Variants in MARCHF8 observed in about 807,000 individuals in gnomAD.
MARCHF8 encodes E3 ubiquitin-protein ligase MARCHF8.
A neutral mutation model predicts 51.6 loss-of-function variants in MARCHF8; 40 were observed. The ratio of observed to expected loss-of-function variants is 0.77; its 90% confidence interval spans 0.60 to 1.01. The LOEUF is 1.01. Ranked by LOEUF, MARCHF8 falls within the 50% of genes least tolerant of loss-of-function variation. The pLI, the probability that MARCHF8 is intolerant of heterozygous loss-of-function variation, is 0.00. For synonymous variants in MARCHF8, 263 were observed against 280.3 expected (o/e 0.94, Z 0.62); for missense variants, 685 against 708.6 (o/e 0.97, Z 0.38).
At chr10:45,546,901 G>A (rs564190817) in intron 1 of MARCHF8, among the ~76,000 whole-genome samples, 1 of 152,066 alleles carries the variant, frequency 6.6e-6, no homozygotes, top group South Asian at 2.1e-4. Context: ...AAAGACTGAA[G>A]TTTGTTAGTT....
chr10:45,552,705 A>T (rs1379895511), intron 1 of MARCHF8, among the ~76,000 whole-genome samples: 1 of 152,214 alleles, frequency 6.6e-6, no homozygotes, highest in African/African-American at 2.4e-5. Flanking sequence ...TGGTGCTATC[A>T]TTCGTCCCTA....
At chr10:45,559,091 G>T (rs2044282714) in intron 1 of MARCHF8, among the ~76,000 whole-genome samples, 1 of 152,178 alleles carries the variant, frequency 6.6e-6, no homozygotes, top group East Asian at 1.9e-4. Flanking sequence ...TTTTAGGAAA[G>T]GAATGAATAA....
chr10:45,495,477 T>C (rs17157861), intron 2 of MARCHF8, among the ~76,000 whole-genome samples: 5,338 of 152,194 alleles, frequency 0.035, 143 homozygotes, highest in East Asian at 0.052. Context: ...GACATAATCA[T>C]GATTTTAAGC....
chr10:45,572,986 A>C (rs2044448756), intron 1 of MARCHF8, among the ~76,000 whole-genome samples: 1 of 150,688 alleles, frequency 6.6e-6, no homozygotes, highest in East Asian at 1.9e-4. Context: ...GCCCTCCCCC[A>C]CCTGCCCAGC....
chr10:45,463,425 T>C lies in MARCHF8; in HGVS notation c.814A>G (p.Ser272Gly). 2 of 1,550,648 alleles carry C rather than the reference T, an allele frequency of 1.3e-6. No individual in the cohort carries two copies. Among genetic ancestry groups the C allele is most frequent in the Non-Finnish European group, 1.7e-6 (2 of 1,147,006 alleles). ...LFSLSHGLSA[S>G]SLHRFHELES... Reference sequence around the variant, plus strand: ...AGCTCATGGAACCTGTGCAGGCTGCTGGCGCTCAAGCCGTGCGAGAGTGAG... The same window carrying C: ...AGCTCATGGAACCTGTGCAGGCTGCCGGCGCTCAAGCCGTGCGAGAGTGAG... Residue 272 changes from serine to glycine, a missense_variant, in exon 5 of 8, where the codon AGC (serine) becomes GGC (glycine). Coordinates refer to ENST00000453424, the MANE Select transcript of MARCHF8 (RefSeq NM_001282866.2).
At position 45,543,753 on chromosome 10, in the gene MARCHF8, G is replaced by A. The variant is rs987889010; in HGVS notation, c.-78-10464C>T. Among the ~76,000 whole-genome samples, 60 of 140,136 alleles carry A rather than the reference G, an allele frequency of 4.3e-4. 1 individual carries two copies. The highest frequency in any genetic ancestry group is 3.1e-4 in the Admixed American group (4 of 13,008). 91.9% of individuals were successfully genotyped at this position (140,136 alleles called of 152,430 possible). A position where few individuals can be genotyped will look rare whatever the true frequency, so the allele number is the denominator to read the frequency against. ...GCGGAGCTTGCAGTGAGCCAAGATC[G>A]TGCCACTGCACTCCAGCCTGGGTGA... On this transcript the variant is annotated intron_variant, in intron 1 of 6. Coordinates refer to the MARCHF8 transcript ENST00000319836.
chr10:45,514,086 A>C (rs145714209), intron 2 of MARCHF8, among the ~76,000 whole-genome samples: 2,148 of 152,338 alleles, frequency 0.014, 23 homozygotes, highest in Non-Finnish European at 0.02. Flanking sequence ...AAAATGCTAT[A>C]ATCTATATGT....
At chr10:45,485,689 A>AT (rs1230182563) in intron 3 of MARCHF8, among the ~76,000 whole-genome samples, 1 of 152,148 alleles carries the variant, frequency 6.6e-6, no homozygotes, top group African/African-American at 2.4e-5. Context: ...TTAAAGGTTT[A>AT]TTTTTTACCT....
intron 1 of MARCHF8, among the ~76,000 whole-genome samples, chr10:45,590,642 A>G (rs943759038): frequency 6.6e-6 from 1 of 152,284 alleles, no homozygotes; most frequent in Non-Finnish European, 1.5e-5. Flanking sequence ...AAGTCCACAT[A>G]GCATGATGCC....
intron 1 of MARCHF8, among the ~76,000 whole-genome samples, chr10:45,565,795 A>G (rs2044357995): frequency 6.6e-6 from 1 of 152,202 alleles, no homozygotes. Flanking sequence ...CTCTTGGGAA[A>G]ATAGTATTAA....
At chr10:45,487,439 G>A (rs746201931) in intron 3 of MARCHF8, among the ~76,000 whole-genome samples, 5 of 152,256 alleles carry the variant, frequency 3.3e-5, no homozygotes, top group African/African-American at 4.8e-5. Context: ...GTTACTGAGC[G>A]TTTTTTAACA....
At chr10:45,564,060 G>A (rs1334108387) in intron 1 of MARCHF8, among the ~76,000 whole-genome samples, 1 of 152,202 alleles carries the variant, frequency 6.6e-6, no homozygotes, top group African/African-American at 2.4e-5. Context: ...TGGATCACCT[G>A]AGGTCAGGAG....
chr10:45,571,044 T>G (rs1173356061), intron 1 of MARCHF8, among the ~76,000 whole-genome samples: 1 of 152,152 alleles, frequency 6.6e-6, no homozygotes, highest in Non-Finnish European at 1.5e-5. Flanking sequence ...GGCACTTTTA[T>G]AGAAATTAGG....
intron 1 of MARCHF8, among the ~76,000 whole-genome samples, chr10:45,572,213 C>G (rs948307176): frequency 6.6e-6 from 1 of 150,842 alleles, no homozygotes; most frequent in Non-Finnish European, 1.5e-5. Flanking sequence ...TCCTGGGGGG[C>G]AAGCACCCCC....
chr10:45,477,271 G>A (rs1002313760), intron 3 of MARCHF8, among the ~76,000 whole-genome samples: 3 of 151,982 alleles, frequency 2.0e-5, no homozygotes, highest in Non-Finnish European at 4.4e-5. Context: ...AAGAAATAAA[G>A]TCCTTCCCAG....
At chr10:45,542,829 T>A (rs190252936) in intron 1 of MARCHF8, among the ~76,000 whole-genome samples, 16 of 152,310 alleles carry the variant, frequency 1.1e-4, no homozygotes, top group Admixed American at 5.9e-4. Flanking sequence ...TGCCACACAC[T>A]TTCCAAAAGT....
At chr10:45,559,953 G>T (rs2044290934) in intron 1 of MARCHF8, among the ~76,000 whole-genome samples, 1 of 152,120 alleles carries the variant, frequency 6.6e-6, no homozygotes, top group African/African-American at 2.4e-5. Flanking sequence ...GCGGGCCTCG[G>T]CAGTGAGATT....
chr10:45,584,161 A>ACC (rs2044590962), intron 1 of MARCHF8, among the ~76,000 whole-genome samples: 1 of 121,672 alleles, frequency 8.2e-6, no homozygotes, highest in Non-Finnish European at 1.8e-5. Context: ...ATATATATAT[A>ACC]TATATATCAA....
chr10:45,562,217 A>G (rs1480018849), intron 1 of MARCHF8, among the ~76,000 whole-genome samples: 1 of 152,194 alleles, frequency 6.6e-6, no homozygotes. Flanking sequence ...AGAGAATAGA[A>G]GAGAAGCAAT....
Sources: gnomAD v4.1 joint callset for allele counts (sites outside exome capture counted in the v4.1 genomes callset) on GRCh38, gnomAD v4.1.1 for gene constraint, MANE v1.5 for transcripts, NCBI Gene and HGNC (gene_info 2026-07-23, HGNC 2026-07-21) for gene names.